The following CNTN4 variants were observed in gnomAD, a reference collection of about 807,000 sequenced individuals.
CNTN4 encodes contactin-4.
CNTN4 carries 77 observed loss-of-function variants against 122.5 expected under a neutral mutation model. The ratio of observed to expected loss-of-function variants is 0.63; its 90% CI spans 0.52 to 0.76. The LOEUF (loss-of-function observed/expected upper bound fraction) is 0.76, where lower values mean the gene tolerates loss of function less well. Among genes scored for constraint, CNTN4 ranks in the 30% least tolerant of loss-of-function variants. CNTN4 has a pLI of 0.00. For missense variants in CNTN4, 1,256 were observed against 1,259.1 expected (o/e 1.00, Z 0.04); for synonymous variants, 512 against 447.0 (o/e 1.15, Z -1.83).
Position 2,592,114 on chromosome 3 carries a change from C to T in CNTN4, c.55+20556C>T, listed in dbSNP as rs542345093. On this transcript the variant is annotated intron_variant, in intron 4 of 24. Transcript: ENST00000418658. ...CAGGCGCATCTCAAAATCCTGGCCT[C>T]GAGCAGTCCTCCCTCCCCAGCCTCT... 5.3e-5 allele frequency among the ~76,000 whole-genome samples: 8 copies of T among 152,168 alleles called. No homozygotes were observed. The East Asian group carries it at 9.7e-4, about 18-fold the overall frequency.
intron 3 of CNTN4, among the ~76,000 whole-genome samples, chr3:2,404,034 A>C (rs563677071): frequency 6.6e-6 from 1 of 152,244 alleles, no homozygotes; most frequent in Non-Finnish European, 1.5e-5. Context: ...TCTATTATCT[A>C]TCCACAGTGG....
chr3:2,714,006 C>G (rs1179053376), intron 4 of CNTN4, among the ~76,000 whole-genome samples: 2 of 152,004 alleles, frequency 1.3e-5, no homozygotes, highest in East Asian at 1.9e-4. Context: ...GAGACATGGC[C>G]GTTAAATGTT....
intron 14 of CNTN4, among the ~76,000 whole-genome samples, chr3:3,009,173 A>G (rs916604055): frequency 6.6e-6 from 1 of 152,160 alleles, no homozygotes. Flanking sequence ...TGATTGCCAT[A>G]AACAGTGGGC....
chr3:2,957,970 G>T (rs2094817025), intron 13 of CNTN4, among the ~76,000 whole-genome samples: 1 of 152,094 alleles, frequency 6.6e-6, no homozygotes, highest in South Asian at 2.1e-4. Context: ...GGGATTCCTG[G>T]GTTGACTGGT....
intron 2 of CNTN4, among the ~76,000 whole-genome samples, chr3:2,203,032 C>T (rs959318145): frequency 1.5e-4 from 23 of 151,204 alleles, no homozygotes; most frequent in Admixed American, 1.1e-3. Flanking sequence ...TGGGGTTTCA[C>T]CATGTTGGCC....
chr3:2,826,638 C>T (rs2092994371), intron 7 of CNTN4, among the ~76,000 whole-genome samples: 1 of 152,146 alleles, frequency 6.6e-6, no homozygotes, highest in African/African-American at 2.4e-5. Context: ...TCTGTCTTCC[C>T]ACACCTACTC....
At chr3:2,110,853 T>C (rs966275312) in intron 2 of CNTN4, among the ~76,000 whole-genome samples, 2 of 152,128 alleles carry the variant, frequency 1.3e-5, no homozygotes, top group African/African-American at 4.8e-5. Context: ...CACTATACCA[T>C]AGTGGAAATA....
chr3:2,581,898 G>C (rs1466947900), intron 4 of CNTN4, among the ~76,000 whole-genome samples: 1 of 152,170 alleles, frequency 6.6e-6, no homozygotes, highest in Non-Finnish European at 1.5e-5. Context: ...CAGAGACAAA[G>C]GCCACATATT....
chr3:3,030,452 T>G (rs1278906183), intron 15 of CNTN4, among the ~76,000 whole-genome samples: 1 of 152,190 alleles, frequency 6.6e-6, no homozygotes, highest in Non-Finnish European at 1.5e-5. Flanking sequence ...AAATGTGGGC[T>G]TGCTTCCGTT....
chr3:2,588,067 A>G (rs1446054601), intron 4 of CNTN4, among the ~76,000 whole-genome samples: 2 of 151,994 alleles, frequency 1.3e-5, no homozygotes, highest in African/African-American at 4.8e-5. Context: ...ATTTTTTATT[A>G]ATTATGTTTT....
chr3:2,996,735 C>T (rs545057187), intron 14 of CNTN4, among the ~76,000 whole-genome samples: 105 of 152,186 alleles, frequency 6.9e-4, no homozygotes, highest in African/African-American at 2.4e-3. Flanking sequence ...GCATTGAAAA[C>T]CTCACATGTT....
chr3:2,561,388 C>G (rs1431627155), intron 3 of CNTN4, among the ~76,000 whole-genome samples: 1 of 152,154 alleles, frequency 6.6e-6, no homozygotes, highest in East Asian at 1.9e-4. Flanking sequence ...GTTTACTTCC[C>G]AGTACCCAGA....
chr3:2,270,984 G>A (rs2041270971), intron 2 of CNTN4, among the ~76,000 whole-genome samples: 1 of 152,106 alleles, frequency 6.6e-6, no homozygotes, highest in Admixed American at 6.6e-5. Flanking sequence ...GTTTTTCTTT[G>A]TATAAATCTG....
intron 2 of CNTN4, among the ~76,000 whole-genome samples, chr3:2,145,926 A>C (rs1036337152): frequency 6.8e-6 from 1 of 146,590 alleles, no homozygotes; most frequent in African/African-American, 2.5e-5. Context: ...TGCTGTAATT[A>C]CTACACTGGA....
intron 3 of CNTN4, among the ~76,000 whole-genome samples, chr3:2,344,079 TC>T (rs962762910): frequency 1.2e-4 from 18 of 151,788 alleles, no homozygotes; most frequent in Non-Finnish European, 1.9e-4. Flanking sequence ...TGAACAGTCT[TC>T]CCCCCATGGC....
At chr3:2,575,491 A>G (rs2079619862) in intron 4 of CNTN4, among the ~76,000 whole-genome samples, 2 of 152,142 alleles carry the variant, frequency 1.3e-5, no homozygotes, top group Non-Finnish European at 2.9e-5. Flanking sequence ...AGCCTGGGTG[A>G]CAGAGCCAGA....
intron 3 of CNTN4, among the ~76,000 whole-genome samples, chr3:2,517,290 A>G (rs1166114512): frequency 3.3e-5 from 5 of 152,132 alleles, no homozygotes; most frequent in African/African-American, 1.2e-4. Flanking sequence ...GGGATATTCC[A>G]TCTAGTTCAG....
chr3:2,484,852 G>T (rs1233963164), intron 3 of CNTN4, among the ~76,000 whole-genome samples: 1 of 152,196 alleles, frequency 6.6e-6, no homozygotes, highest in African/African-American at 2.4e-5. Context: ...GTGCTGTGGG[G>T]GCCCCTCTCT....
chr3:2,473,153 C>T (rs1477440457), intron 3 of CNTN4, among the ~76,000 whole-genome samples: 2 of 151,626 alleles, frequency 1.3e-5, no homozygotes, highest in Non-Finnish European at 2.9e-5. Flanking sequence ...ATCGCTTGAA[C>T]CCAAAAGGTG....
Sources: gnomAD v4.1 joint callset for allele counts (sites outside exome capture counted in the v4.1 genomes callset) on GRCh38, gnomAD v4.1.1 for gene constraint, MANE v1.5 for transcripts, NCBI Gene and HGNC (gene_info 2026-07-23, HGNC 2026-07-21) for gene names.